RNF212B: variants seen among roughly 807,000 people sequenced by gnomAD.
RNF212B encodes the protein E3 ubiquitin-protein ligase RNF212B.
In RNF212B, 52 loss-of-function variants were observed where a neutral mutation model predicts 55.5. The observed-to-expected ratio is 0.94, with a 90% CI of 0.75 to 1.18. The LOEUF is 1.18. Ranked by LOEUF, RNF212B falls within the 50% of genes most tolerant of loss-of-function variation. The probability of loss-of-function intolerance (pLI) is 0.00; values close to 1 mark genes in which losing one functional copy is unlikely to be tolerated. For missense variants in RNF212B, 289 were observed against 350.4 expected (o/e 0.82, Z 1.40); for synonymous variants, 99 against 121.4 (o/e 0.82, Z 1.21).
At chr14:23,190,312 T>C (rs538704564) in intron 1 of RNF212B, among the ~76,000 whole-genome samples, 8 of 152,284 alleles carry the variant, frequency 5.3e-5, no homozygotes, top group African/African-American at 1.7e-4. Context: ...ACCACCTAAT[T>C]GATGTCTCTG....
At chr14:23,235,083 A>G (rs151241141), upstream of RNF212B, among the ~76,000 whole-genome samples, 586 of 152,200 alleles carry the variant, frequency 3.9e-3, 5 homozygotes, top group African/African-American at 0.013. Context: ...GTGGTGGCAA[A>G]TGCCTGTAAT....
Position 23,268,946 on chromosome 14 carries a change from T to C in RNF212B, c.657T>C (p.Thr219=). The part of the protein sequence containing the change: ...SYNETPSPAS[T]HSLSYRTSSA... Reference sequence around the variant, plus strand: ...CAGAAACCCCTTCACCGGCTTCAACTCATAGCCTATCTTATAGGTCAGTAA... The same window carrying C: ...CAGAAACCCCTTCACCGGCTTCAACCCATAGCCTATCTTATAGGTCAGTAA... Residue 219 remains threonine (T), a synonymous_variant, in exon 12 of 15, where the codon ACT becomes ACC. Transcript: ENST00000430154. 6.4e-7 allele frequency: 1 copy of C among 1,550,434 alleles called. No individual in the cohort carries two copies. Among genetic ancestry groups the C allele is most frequent in the Non-Finnish European group, 8.7e-7 (1 of 1,146,542 alleles).
intron 4 of RNF212B, among the ~76,000 whole-genome samples, chr14:23,245,913 C>T (rs900214784): frequency 6.6e-6 from 1 of 152,164 alleles, no homozygotes; most frequent in Admixed American, 6.5e-5. Flanking sequence ...ACGCTCAAGA[C>T]GTTGTCATTG....
Position 23,240,334 on chromosome 14 carries a change from A to G in RNF212B, c.-1-11A>G. The G allele has an allele frequency of 6.6e-7, 1 of 1,521,854 alleles. No homozygotes were observed. Among genetic ancestry groups the G allele is most frequent in the Non-Finnish European group, 8.9e-7 (1 of 1,121,514 alleles). 94.3% of individuals were successfully genotyped at this position (1,521,854 alleles called of 1,614,324 possible). On this transcript the variant is annotated splice_polypyrimidine_tract_variant and intron_variant, in intron 1 of 14. Transcript: ENST00000430154. ...TAGGTTATTCTTACTCTTTCTCTTTATCTGCTCCAGAATGGATTGGTTTCA... is the reference window on the plus strand; with the variant it reads ...TAGGTTATTCTTACTCTTTCTCTTTGTCTGCTCCAGAATGGATTGGTTTCA...
intron 2 of RNF212B, among the ~76,000 whole-genome samples, chr14:23,200,049 TAAC>T (rs1265085968): frequency 6.6e-6 from 1 of 152,130 alleles, no homozygotes; most frequent in African/African-American, 2.4e-5. Flanking sequence ...GACTAGACTC[TAAC>T]AACGAGTGTA....
At position 23,243,185 on chromosome 14, in the gene RNF212B, A is replaced by G. The variant is rs138602968; in HGVS notation, c.101-71A>G. The stretch of plus-strand genomic sequence containing the variant: ...TTTGCTAGCATACTAGATTGTTGCC[A>G]TGTACTTTAAGTCTTTAAATCTTAC... On this transcript the variant is annotated intron_variant, in intron 2 of 14. Transcript: ENST00000430154. 3.6e-4 allele frequency: 405 copies of G among 1,115,428 alleles called. 3 individuals carry two copies. In the East Asian group the frequency reaches 0.01, roughly 28 times the overall value. The allele number at this position is 1,115,428 out of a possible 1,614,324, so 69.1% of individuals were successfully genotyped here.
chr14:23,205,458 C>T (rs943316138), intron 2 of RNF212B, among the ~76,000 whole-genome samples: 1 of 151,998 alleles, frequency 6.6e-6, no homozygotes, highest in African/African-American at 2.4e-5. Flanking sequence ...ATTACATTTA[C>T]CTAATTATTT....
chr14:23,194,086 C>T (rs1188605855), intron 2 of RNF212B, among the ~76,000 whole-genome samples: 1 of 152,210 alleles, frequency 6.6e-6, no homozygotes, highest in Admixed American at 6.5e-5. Flanking sequence ...AGGTGATCCA[C>T]CCGCCTCGGC....
Position 23,272,786 on chromosome 14 carries a change from T to C in RNF212B, c.835-37T>C, listed in dbSNP as rs532688887. 2.8e-6 allele frequency: 4 copies of C among 1,426,058 alleles called. No homozygotes were observed. The African/African-American group carries it at 4.2e-5, about 15-fold the overall frequency. 88.3% of individuals were successfully genotyped at this position (1,426,058 alleles called of 1,614,324 possible). ...GACTTGCTTGCCCTTTTTGCTGTTATAAACACCCACATCTACCTTCTTGTC... is the reference window on the plus strand; with the variant it reads ...GACTTGCTTGCCCTTTTTGCTGTTACAAACACCCACATCTACCTTCTTGTC... On this transcript the variant is annotated intron_variant, in intron 14 of 14. Coordinates refer to ENST00000430154, the MANE Select transcript of RNF212B (RefSeq NM_001282322.3).
chr14:23,247,847 C>T (rs1290027051), intron 4 of RNF212B, among the ~76,000 whole-genome samples: 1 of 152,116 alleles, frequency 6.6e-6, no homozygotes, highest in Non-Finnish European at 1.5e-5. Context: ...TAGGAACTGC[C>T]AGACTGTTTT....
intron 4 of RNF212B, among the ~76,000 whole-genome samples, chr14:23,246,474 C>A (rs74036960): frequency 0.08 from 12,192 of 152,104 alleles, 648 homozygotes; most frequent in African/African-American, 0.15. Flanking sequence ...AGCTTTATTT[C>A]TTTGAACCAG....
In RNF212B at chr14:23,250,807, A is replaced by G. The variant is rs758406649; in HGVS notation, c.228+6411A>G. ...ATCAATCAACATATGTATGATGAAC[A>G]TTGGTTCGATCGGGAAAGGTGGGAC... is the stretch of plus-strand genomic sequence containing the variant. On this transcript the variant is annotated intron_variant, in intron 4 of 14. Transcript: ENST00000430154. 5.4e-4 allele frequency among the ~76,000 whole-genome samples: 82 copies of G among 152,208 alleles called. 1 individual carries two copies. The highest frequency in any genetic ancestry group is 6.2e-4 in the South Asian group (3 of 4,828).
At chr14:23,240,487 T>G in intron 2 of RNF212B, 42 bp downstream of exon 2, 1 of 1,340,162 alleles carries the variant, frequency 7.5e-7, no homozygotes, top group Non-Finnish European at 1.0e-6. Context: ...AAAAATGTTT[T>G]CATGTAAGGA....
intron 2 of RNF212B, among the ~76,000 whole-genome samples, chr14:23,207,974 T>G (rs1242605916): frequency 2.0e-5 from 3 of 152,220 alleles, no homozygotes; most frequent in African/African-American, 7.2e-5. Context: ...TGCATTCTTT[T>G]GAGTTTCTGT....
At chr14:23,228,621 C>G (rs1320949516) in intron 2 of RNF212B, among the ~76,000 whole-genome samples, 1 of 151,776 alleles carries the variant, frequency 6.6e-6, no homozygotes. Context: ...CGCAATCCAG[C>G]CTGGGTGACA....
rs1594929055 is a variant in RNF212B, at chr14:23,247,462, A to G, written c.228+3066A>G. Among the ~76,000 whole-genome samples the G allele has an allele frequency of 2.7e-5, 4 of 146,490 alleles. No individual in the cohort carries two copies. The East Asian group carries it at 6.3e-4, about 23-fold the overall frequency. On this transcript the variant is annotated intron_variant, in intron 4 of 14. Transcript: ENST00000430154. ...GATCACTAATTTACTTTCTGTTGCT[A>G]TGGTTTTTCCTGTTCAGGGCATTTC...
intron 1 of RNF212B, among the ~76,000 whole-genome samples, 170 bp downstream of exon 1, chr14:23,238,225 T>G (rs1471925913): frequency 3.3e-5 from 5 of 151,672 alleles, no homozygotes; most frequent in Non-Finnish European, 7.4e-5. Flanking sequence ...GTTGCTGCCC[T>G]TAAACAAACC....
intron 4 of RNF212B, among the ~76,000 whole-genome samples, chr14:23,249,185 T>A (rs1200904874): frequency 3.9e-5 from 6 of 152,240 alleles, no homozygotes; most frequent in Non-Finnish European, 7.3e-5. Context: ...ACTGTTGGAA[T>A]AAAATCAGGT....
Position 23,243,302 on chromosome 14 carries a change from T to G in RNF212B, c.147T>G (p.Ser49=). Residue 49 remains serine, a synonymous_variant, in exon 3 of 15, where the codon TCT becomes TCG. Coordinates refer to ENST00000430154, the MANE Select transcript of RNF212B (RefSeq NM_001282322.3). The part of the protein sequence containing the change: ...CGTACKHLAL[S]DNLKPQEKMF... ...CTGCCTGCAAGCATCTGGCTCTTTC[T>G]GATAATGTAAGTTTTTCTCCCCCTG... is the stretch of plus-strand genomic sequence containing the variant. The G allele has an allele frequency of 6.4e-7, 1 of 1,550,480 alleles. No individual in the cohort carries two copies. The highest frequency in any genetic ancestry group is 8.7e-7 in the Non-Finnish European group (1 of 1,146,930).
Sources: allele counts gnomAD v4.1 joint callset (sites outside exome capture counted in the v4.1 genomes callset), GRCh38; gene constraint gnomAD v4.1.1; transcripts MANE v1.5; gene names NCBI Gene and HGNC (gene_info 2026-07-23, HGNC 2026-07-21).